TAF15: variants seen among roughly 807,000 people sequenced by gnomAD.
TAF15 encodes TATA-box binding protein associated factor 15.
In TAF15, 37 loss-of-function variants were observed where a neutral mutation model predicts 102.5. The observed-to-expected ratio is 0.36, with a 90% CI of 0.28 to 0.47. TAF15 has a LOEUF of 0.47. Ranked by LOEUF, TAF15 falls within the 20% of genes least tolerant of loss-of-function variation. The pLI, the probability that TAF15 is intolerant of heterozygous loss-of-function variation, is 0.99. For missense variants in TAF15, 652 were observed against 760.7 expected (o/e 0.86, Z 1.68); for synonymous variants, 273 against 259.2 (o/e 1.05, Z -0.51).
chr17:35,831,157 CT>C (rs1251813855), intron 7 of TAF15, among the ~76,000 whole-genome samples: 1 of 152,190 alleles, frequency 6.6e-6, no homozygotes, highest in Admixed American at 6.5e-5. Flanking sequence ...AATCCCAGTG[CT>C]TTGGGAGGCC....
At chr17:35,812,864 A>G (rs946413400) in intron 1 of TAF15, among the ~76,000 whole-genome samples, 2 of 152,266 alleles carry the variant, frequency 1.3e-5, no homozygotes, top group East Asian at 1.9e-4. Flanking sequence ...GCGGTGGCTC[A>G]TGCCTGTAAT....
Position 35,844,328 on chromosome 17 carries a change from C to T in TAF15, c.1137C>T (p.Cys379=), listed in dbSNP as rs752618618. The T allele has an allele frequency of 1.2e-6, 2 of 1,614,222 alleles. No homozygotes were observed. The highest frequency in any genetic ancestry group is 1.7e-5 in the Admixed American group (1 of 60,032). ...NFARRNSCNQ[C]NEPRPEDSRP... ...CTCGAAGGAATTCCTGCAATCAGTG[C>T]AATGAGCCTAGACCAGAGGACTCTC... is the stretch of plus-strand genomic sequence containing the variant. Residue 379 remains cysteine, a synonymous_variant, in exon 14 of 16, where the codon TGC becomes TGT. Coordinates refer to ENST00000605844, the MANE Select transcript of TAF15 (RefSeq NM_139215.3).
rs1033893917 is a variant in TAF15, at chr17:35,813,502, G to A, written c.7+3926G>A. Among the ~76,000 whole-genome samples the A allele has an allele frequency of 5.3e-5, 8 of 152,122 alleles. No homozygotes were observed. In the East Asian group the frequency reaches 1.4e-3, roughly 26 times the overall value. On this transcript the variant is annotated intron_variant, in intron 1 of 15. Transcript: ENST00000605844. Reference sequence around the variant, plus strand: ...ACAAAAAAGATCAGCTGAATGTGGCGGTATGCATGTGTAATCCCAGCTACT... The same window carrying A: ...ACAAAAAAGATCAGCTGAATGTGGCAGTATGCATGTGTAATCCCAGCTACT...
chr17:35,843,187 G>A (rs929604640), intron 12 of TAF15, among the ~76,000 whole-genome samples: 5 of 151,328 alleles, frequency 3.3e-5, no homozygotes, highest in African/African-American at 4.9e-5. Flanking sequence ...ACAATGGCGC[G>A]TTCTTGGCTC....
At chr17:35,811,641 A>T (rs2087125451) in intron 1 of TAF15, 1 of 152,214 alleles carries the variant, frequency 6.6e-6, no homozygotes, top group Admixed American at 6.5e-5. Context: ...TACACATGTA[A>T]ATTTAATATA....
Position 35,842,372 on chromosome 17 carries a change from G to T in TAF15, c.919G>T (p.Glu307Ter). The T allele has an allele frequency of 6.2e-7, 1 of 1,613,588 alleles. No homozygotes were observed. Among genetic ancestry groups the T allele is most frequent in the Non-Finnish European group, 8.5e-7 (1 of 1,179,630 alleles). The change falls in exon 12 of 16, where the codon GAA becomes TAA. Residue 307 changes from glutamate to a stop codon, truncating the protein, a stop_gained. Coordinates refer to ENST00000605844, the MANE Select transcript of TAF15 (RefSeq NM_139215.3). LOFTEE classifies it high-confidence loss of function. ...KAAIDWFDGKEFHGNIIKVSF... is the reference protein window; with the variant it reads ...KAAIDWFDGK ...GCTGATTTCTTTTTTCTTAGGAAAAGAATTCCATGGCAACATCATTAAAGT... is the reference window on the plus strand; with the variant it reads ...GCTGATTTCTTTTTTCTTAGGAAAATAATTCCATGGCAACATCATTAAAGT...
chr17:35,846,652 T>C (rs1327999437), intron 15 of TAF15, among the ~76,000 whole-genome samples: 1 of 152,208 alleles, frequency 6.6e-6, no homozygotes, highest in South Asian at 2.1e-4. Flanking sequence ...TTCTGAAATA[T>C]TTGTGGTTTG....
chr17:35,828,509 G>C (rs1005531324), intron 7 of TAF15, among the ~76,000 whole-genome samples: 2 of 152,178 alleles, frequency 1.3e-5, no homozygotes, highest in African/African-American at 4.8e-5. Flanking sequence ...TGAGGCAAGA[G>C]GATTGCTTGA....
rs1183298377 is a variant in TAF15, at chr17:35,844,993, G to A, written c.1694G>A (p.Gly565Asp). Residue 565 changes from glycine to aspartate, a missense_variant, in exon 15 of 16, where the codon GGC becomes GAC. Physicochemically the swap from Gly to Asp is moderately conservative, Grantham distance 94. Around this residue, in one of 3 missense-constraint regions of TAF15, gnomAD observed 368 missense variants for 367.5 expected, o/e 1.00. Coordinates refer to ENST00000605844, the MANE Select transcript of TAF15 (RefSeq NM_139215.3). ...GGGYGGDRGGGYGGDRGGYGG... is the reference protein window; with the variant it reads ...GGGYGGDRGGDYGGDRGGYGG... ...GGCTATGGAGGAGACCGAGGTGGGG[G>A]CTACGGAGGAGACCGAGGTGGCTAT... 6.2e-7 allele frequency: 1 copy of A among 1,612,526 alleles called. No individual in the cohort carries two copies. The highest frequency in any genetic ancestry group is 8.5e-7 in the Non-Finnish European group (1 of 1,178,784).
intron 7 of TAF15, among the ~76,000 whole-genome samples, chr17:35,826,566 T>G (rs970537264): frequency 4.6e-5 from 7 of 151,062 alleles, no homozygotes; most frequent in African/African-American, 1.7e-4. Context: ...TAATTTTTTT[T>G]TTTTTTTTTG....
At chr17:35,822,611 A>G in intron 5 of TAF15, 29 bp from the exon 6 acceptor site, 2 of 1,603,424 alleles carry the variant, frequency 1.2e-6, no homozygotes, top group South Asian at 2.2e-5. Flanking sequence ...CTTCCTATGA[A>G]GTCTCTTAAG....
rs779025521 is a variant in TAF15, at chr17:35,847,025, G to C, written c.*80G>C. 9 of 1,346,222 alleles carry C rather than the reference G, an allele frequency of 6.7e-6. No homozygotes were observed. The South Asian group carries it at 1.0e-4, about 16-fold the overall frequency. The allele number at this position is 1,346,222 out of a possible 1,614,324, so 83.4% of individuals were successfully genotyped here. ...AGTTTTGCCTGCTGCTTTCCTCGTGGCCTCTTCTTGGGTAGTGAAATTAAG... is the reference window on the plus strand; with the variant it reads ...AGTTTTGCCTGCTGCTTTCCTCGTGCCCTCTTCTTGGGTAGTGAAATTAAG... On this transcript the variant is annotated 3_prime_UTR_variant, in exon 16 of 16. Transcript: ENST00000605844.
intron 1 of TAF15, among the ~76,000 whole-genome samples, chr17:35,813,646 CA>C: frequency 2.6e-5 from 2 of 76,978 alleles, no homozygotes; most frequent in Non-Finnish European, 2.7e-5. Flanking sequence ...CCCCCCCCCG[CA>C]AAAAAAGATT....
At chr17:35,821,591 G>GT (rs2087258248) in intron 5 of TAF15, among the ~76,000 whole-genome samples, 1 of 151,396 alleles carries the variant, frequency 6.6e-6, no homozygotes, top group African/African-American at 2.4e-5. Context: ...GATCTTTTTT[G>GT]TCCCCCCCCA....
At chr17:35,813,286 A>G (rs546286048) in intron 1 of TAF15, among the ~76,000 whole-genome samples, 1 of 152,252 alleles carries the variant, frequency 6.6e-6, no homozygotes, top group Non-Finnish European at 1.5e-5. Flanking sequence ...CTTATCTCAC[A>G]GATGTGGAAG....
At position 35,834,422 on chromosome 17, in the gene TAF15, ATTTAC is replaced by A. The variant is rs1021728814; in HGVS notation, c.641-140_641-136del. 1.3e-5 allele frequency: 9 copies of A among 711,420 alleles called. No homozygotes were observed. In the African/African-American group the frequency reaches 1.5e-4, roughly 11 times the overall value. The allele number at this position is 711,420 out of a possible 1,614,324, so 44.1% of individuals were successfully genotyped here. A position where few individuals can be genotyped will look rare whatever the true frequency, so the allele number is the denominator to read the frequency against. On this transcript the variant is annotated intron_variant, in intron 8 of 15. Transcript: ENST00000605844. ...ACTTTAAATAAAACATAATTTATAT[ATTTAC>A]TTTGTAAATCTGTGATGGTTGACTT...
At chr17:35,843,352 G>A (rs368129944) in intron 12 of TAF15, among the ~76,000 whole-genome samples, 19 of 152,164 alleles carry the variant, frequency 1.2e-4, no homozygotes, top group African/African-American at 4.1e-4. Context: ...TCGAACTCCC[G>A]ACCTGAGATG....
chr17:35,810,515 A>G (rs936976964), intron 1 of TAF15: 2 of 152,210 alleles, frequency 1.3e-5, no homozygotes, highest in East Asian at 1.9e-4. Context: ...AGGGTCCTCT[A>G]TTGTTAGGCT....
chr17:35,835,264 G>C (rs2087460258), intron 9 of TAF15, among the ~76,000 whole-genome samples: 2 of 152,158 alleles, frequency 1.3e-5, no homozygotes, highest in African/African-American at 4.8e-5. Flanking sequence ...AACTATTTAA[G>C]AAAGAAAATC....
Sources: gnomAD v4.1 joint callset for allele counts (sites outside exome capture counted in the v4.1 genomes callset) on GRCh38, gnomAD v4.1.1 for gene constraint, gnomAD v4.1.1 regional missense constraint, MANE v1.5 for transcripts, NCBI Gene and HGNC (gene_info 2026-07-23, HGNC 2026-07-21) for gene names.